Variants in FAM135B observed in about 807,000 individuals in gnomAD.
FAM135B encodes protein FAM135B.
Under a neutral mutation model 127.7 loss-of-function variants are expected in FAM135B, and 43 were observed. The observed-to-expected ratio is 0.34, with a 90% CI of 0.26 to 0.43. The LOEUF is 0.43. Among genes scored for constraint, FAM135B ranks in the 20% least tolerant of loss-of-function variants. The probability of loss-of-function intolerance (pLI) is 1.00; values close to 1 mark genes in which losing one functional copy is unlikely to be tolerated. For synonymous variants in FAM135B, 670 were observed against 665.1 expected, an observed-to-expected ratio of 1.01 and a Z score of -0.11; for missense variants, 1,558 against 1,725.6, an observed-to-expected ratio of 0.90 and a Z score of 1.72.
chr8:138,270,469 C>G (rs1823295080), intron 3 of FAM135B, among the ~76,000 whole-genome samples: 1 of 152,160 alleles, frequency 6.6e-6, no homozygotes, highest in African/African-American at 2.4e-5. Flanking sequence ...AAGATGAGGA[C>G]CCACCTAACC....
chr8:138,195,960 C>T (rs1816591591), intron 8 of FAM135B, among the ~76,000 whole-genome samples: 1 of 152,210 alleles, frequency 6.6e-6, no homozygotes, highest in Non-Finnish European at 1.5e-5. Context: ...TGAGTGGAAA[C>T]AATCCCTTAG....
chr8:138,278,580 T>A (rs887910705), intron 3 of FAM135B, among the ~76,000 whole-genome samples: 1 of 65,370 alleles, frequency 1.5e-5, no homozygotes, highest in African/African-American at 6.6e-5. Context: ...TTTTTTTTTT[T>A]TGAGGCAGAG....
At chr8:138,268,679 A>G (rs1185410831) in intron 3 of FAM135B, among the ~76,000 whole-genome samples, 11 of 152,158 alleles carry the variant, frequency 7.2e-5, no homozygotes, top group Admixed American at 7.2e-4. Context: ...TTGCTGGTGA[A>G]ATCAGCACCC....
At chr8:138,361,231 T>C (rs1389250809) in intron 2 of FAM135B, among the ~76,000 whole-genome samples, 6 of 152,150 alleles carry the variant, frequency 3.9e-5, no homozygotes, top group Non-Finnish European at 8.8e-5. Flanking sequence ...CAGCCAAGAA[T>C]TTCCATTTCT....
chr8:138,319,169 C>T (rs542315137), intron 2 of FAM135B, among the ~76,000 whole-genome samples: 1 of 152,146 alleles, frequency 6.6e-6, no homozygotes, highest in African/African-American at 2.4e-5. Context: ...TGCAGTGGCG[C>T]AATCTTGGCT....
chr8:138,173,344 GTTCT>G (rs1241890335), intron 11 of FAM135B, among the ~76,000 whole-genome samples: 2 of 152,156 alleles, frequency 1.3e-5, no homozygotes, highest in Non-Finnish European at 2.9e-5. Context: ...CTTATCATGT[GTTCT>G]TTAAGATGAT....
chr8:138,297,777 C>T (rs1825577408), intron 3 of FAM135B, among the ~76,000 whole-genome samples: 3 of 152,186 alleles, frequency 2.0e-5, no homozygotes. Context: ...AGGAAGACAG[C>T]TCTGATGGAT....
At position 138,131,233 on chromosome 8, in the gene FAM135B, C is replaced by T. The variant is rs1477296111; in HGVS notation, c.*1360G>A. 1 of 152,202 alleles carries T rather than the reference C, an allele frequency of 6.6e-6. No homozygotes were observed. The highest frequency in any genetic ancestry group is 1.9e-4 in the East Asian group (1 of 5,188). 9.4% of individuals were successfully genotyped at this position (152,202 alleles called of 1,614,324 possible). A position where few individuals can be genotyped will look rare whatever the true frequency, so the allele number is the denominator to read the frequency against. On this transcript the variant is annotated 3_prime_UTR_variant, in exon 20 of 20. Coordinates refer to ENST00000395297, the MANE Select transcript of FAM135B (RefSeq NM_015912.4). ...ACTTCAGAAGGGATTTTTGCAGAAG[C>T]AGGAGCTTTCATCTCCAAAAGATTA... is the stretch of plus-strand genomic sequence containing the variant.
chr8:138,339,778 C>G (rs1465570960), intron 2 of FAM135B, among the ~76,000 whole-genome samples: 5 of 152,188 alleles, frequency 3.3e-5, no homozygotes, highest in Admixed American at 3.3e-4. Context: ...CACTCACATC[C>G]CCAACCCAGC....
At chr8:138,472,779 C>G (rs890004110) in intron 1 of FAM135B, among the ~76,000 whole-genome samples, 2 of 152,118 alleles carry the variant, frequency 1.3e-5, no homozygotes, top group Non-Finnish European at 2.9e-5. Flanking sequence ...CGAGGGGAGT[C>G]CCACGTTTAG....
intron 7 of FAM135B, among the ~76,000 whole-genome samples, chr8:138,206,341 C>CCACAGCTCTATCATCCCATCCACCTACA (rs1817588568): frequency 1.5e-4 from 2 of 13,224 alleles, no homozygotes; most frequent in Admixed American, 8.8e-4. Context: ...CTCCACCTAC[C>CCACAGCTCTATCATCCCATCCACCTACA]CACAACTCCA....
chr8:138,468,713 C>A (rs1344205464), intron 1 of FAM135B, among the ~76,000 whole-genome samples: 1 of 152,066 alleles, frequency 6.6e-6, no homozygotes, highest in African/African-American at 2.4e-5. Context: ...AAGGGAAAAA[C>A]CACAATTACT....
chr8:138,443,759 C>A (rs911790192), intron 1 of FAM135B, among the ~76,000 whole-genome samples: 5 of 152,078 alleles, frequency 3.3e-5, no homozygotes, highest in African/African-American at 1.2e-4. Flanking sequence ...AGGTTATATG[C>A]CAGCTAACAT....
intron 2 of FAM135B, among the ~76,000 whole-genome samples, chr8:138,342,635 A>G (rs1457354081): frequency 1.3e-5 from 2 of 152,236 alleles, no homozygotes; most frequent in African/African-American, 4.8e-5. Context: ...CACGTATGGC[A>G]TAATGAGGTG....
At position 138,232,901 on chromosome 8, in the gene FAM135B, T is replaced by A. The variant is rs1256680245; in HGVS notation, c.669+10041A>T. Among the ~76,000 whole-genome samples the A allele has an allele frequency of 2.0e-5, 3 of 152,188 alleles. No homozygotes were observed. The East Asian group carries it at 5.8e-4, about 29-fold the overall frequency. On this transcript the variant is annotated intron_variant, in intron 7 of 19. Coordinates refer to ENST00000395297, the MANE Select transcript of FAM135B (RefSeq NM_015912.4). ...ACAGCAGATATCTAGAATTTATCCA[T>A]CCCATATAACTAAAATTTTACACCC...
rs550202798 is a variant in FAM135B at position 138,394,237 on chromosome 8, C to A, written c.-19-26235G>T. Among the ~76,000 whole-genome samples the A allele has an allele frequency of 3.3e-5, 5 of 152,252 alleles. No individual in the cohort carries two copies. In the South Asian group the frequency reaches 1.0e-3, roughly 32 times the overall value. On this transcript the variant is annotated intron_variant, in intron 1 of 19. Coordinates refer to ENST00000395297, the MANE Select transcript of FAM135B (RefSeq NM_015912.4). ...CTGGAGTCCATGCAAAATCTGCCTG[C>A]AGGGTGTGTTTGTCCCATGGGCCAC...
chr8:138,167,315 C>T (rs559935403), intron 12 of FAM135B, among the ~76,000 whole-genome samples: 7 of 152,266 alleles, frequency 4.6e-5, no homozygotes, highest in African/African-American at 1.7e-4. Context: ...CCTGCCTCAG[C>T]CTCCCAAGTA....
intron 2 of FAM135B, among the ~76,000 whole-genome samples, chr8:138,359,633 C>T (rs1451810094): frequency 2.0e-5 from 3 of 152,158 alleles, no homozygotes; most frequent in African/African-American, 7.2e-5. Flanking sequence ...TGAAAAGGAT[C>T]TCAACATATT....
intron 12 of FAM135B, among the ~76,000 whole-genome samples, chr8:138,158,715 A>G (rs1248632579): frequency 6.6e-6 from 1 of 152,222 alleles, no homozygotes; most frequent in Non-Finnish European, 1.5e-5. Flanking sequence ...TGGCCATCAG[A>G]GAAATGCAAA....
Sources: gnomAD v4.1 joint callset for allele counts (sites outside exome capture counted in the v4.1 genomes callset) on GRCh38, gnomAD v4.1.1 for gene constraint, MANE v1.5 for transcripts, NCBI Gene and HGNC (gene_info 2026-07-23, HGNC 2026-07-21) for gene names.